The following UGT1A10 variants were observed in gnomAD, a reference collection of about 807,000 sequenced individuals.
UGT1A10 encodes UDP glucuronosyltransferase family 1 member A10.
In UGT1A10, 49 loss-of-function variants were observed where a neutral mutation model predicts 45.8. That is an observed-to-expected ratio of 1.07 (90% CI 0.85 to 1.36). The LOEUF (loss-of-function observed/expected upper bound fraction) is 1.36, where lower values mean the gene tolerates loss of function less well. UGT1A10 is among the 40% of genes most tolerant of loss of function. The pLI is 0.00. For missense variants in UGT1A10, 745 were observed against 668.6 expected (o/e 1.11, Z -1.26); for synonymous variants, 284 against 249.7 (o/e 1.14, Z -1.29).
chr2:233,712,925 A>G (rs1228772732), intron 1 of UGT1A10: 1 of 1,611,920 alleles, frequency 6.2e-7, no homozygotes, highest in African/African-American at 1.3e-5. Flanking sequence ...GGTAATTAAG[A>G]CGAAGGAAAC....
At chr2:233,638,653 T>C (rs950510218) in intron 1 of UGT1A10, among the ~76,000 whole-genome samples, 1 of 152,142 alleles carries the variant, frequency 6.6e-6, no homozygotes, top group African/African-American at 2.4e-5. Context: ...TGGTGTCTCA[T>C]CTCATTATAT....
intron 1 of UGT1A10, among the ~76,000 whole-genome samples, chr2:233,751,670 A>G (rs181652696): frequency 2.6e-4 from 40 of 152,190 alleles, no homozygotes; most frequent in Admixed American, 1.9e-3. Flanking sequence ...AGTGAGTTCT[A>G]ATGAGAGCTG....
intron 1 of UGT1A10, among the ~76,000 whole-genome samples, chr2:233,728,327 C>T (rs1274244958): frequency 6.6e-6 from 1 of 152,196 alleles, no homozygotes; most frequent in Admixed American, 6.5e-5. Flanking sequence ...CAGGCTCCAG[C>T]TCCCCCAGTC....
intron 1 of UGT1A10, chr2:233,648,322 C>T (rs1234126031): frequency 2.7e-5 from 14 of 522,226 alleles, no homozygotes; most frequent in Non-Finnish European, 4.3e-5. Context: ...TTTCTCCCTC[C>T]TCTCGGTGGT....
chr2:233,659,796 C>T (rs1157165747), intron 1 of UGT1A10, among the ~76,000 whole-genome samples: 1 of 152,188 alleles, frequency 6.6e-6, no homozygotes, highest in African/African-American at 2.4e-5. Context: ...TAGAAGGGTA[C>T]AATTTGCAAA....
chr2:233,679,274 A>G (rs886248951), intron 1 of UGT1A10, among the ~76,000 whole-genome samples: 1 of 152,208 alleles, frequency 6.6e-6, no homozygotes, highest in Non-Finnish European at 1.5e-5. Context: ...CTGGCAATGC[A>G]TTTTCTGCCT....
At chr2:233,742,236 G>A (rs571045989) in intron 1 of UGT1A10, among the ~76,000 whole-genome samples, 1 of 151,990 alleles carries the variant, frequency 6.6e-6, no homozygotes, top group African/African-American at 2.4e-5. Context: ...CCCAAACAGA[G>A]ATTTACCCAC....
At chr2:233,713,578 G>A (rs573730250) in intron 1 of UGT1A10, 12 of 1,613,932 alleles carry the variant, frequency 7.4e-6, no homozygotes, top group African/African-American at 5.3e-5. Flanking sequence ...TATATTCCTA[G>A]ATTACTAACG....
intron 1 of UGT1A10, among the ~76,000 whole-genome samples, chr2:233,728,930 G>T (rs144892248): frequency 2.1e-5 from 3 of 145,550 alleles, no homozygotes; most frequent in Non-Finnish European, 4.4e-5. Flanking sequence ...GTCATGATCG[G>T]TCTTTTCCAG....
At chr2:233,718,604 T>G (rs1205248797) in intron 1 of UGT1A10, among the ~76,000 whole-genome samples, 1 of 152,226 alleles carries the variant, frequency 6.6e-6, no homozygotes, top group East Asian at 1.9e-4. Flanking sequence ...CAGATGAGCT[T>G]TTCAAGATAG....
intron 1 of UGT1A10, among the ~76,000 whole-genome samples, chr2:233,656,376 C>T (rs990916252): frequency 7.2e-5 from 11 of 152,216 alleles, no homozygotes; most frequent in Admixed American, 3.3e-4. Context: ...AAATCAGCCT[C>T]TTGTCCAATG....
chr2:233,654,660 A>G (rs2073815641), intron 1 of UGT1A10, among the ~76,000 whole-genome samples: 1 of 152,248 alleles, frequency 6.6e-6, no homozygotes, highest in South Asian at 2.1e-4. Flanking sequence ...AGCAACACCA[A>G]TTGCTACAGG....
At chr2:233,661,623 TTTTCTTTCTTTCTTTCTTTC>T (rs55749169) in intron 1 of UGT1A10, among the ~76,000 whole-genome samples, 200 of 124,044 alleles carry the variant, frequency 1.6e-3, no homozygotes, top group Middle Eastern at 3.8e-3. Flanking sequence ...ACTTACTGAA[TTTTCTTTCTTTCTTTCTTTC>T]TTTCTTTCTT....
intron 1 of UGT1A10, among the ~76,000 whole-genome samples, chr2:233,642,922 T>C (rs2073492286): frequency 6.6e-6 from 1 of 152,186 alleles, no homozygotes; most frequent in Admixed American, 6.5e-5. Flanking sequence ...CTCTCTGTTC[T>C]GAGCCACCTC....
At chr2:233,665,461 T>A (rs1441319185) in intron 1 of UGT1A10, among the ~76,000 whole-genome samples, 2 of 152,240 alleles carry the variant, frequency 1.3e-5, no homozygotes, top group African/African-American at 4.8e-5. Context: ...AAGTAGTGGC[T>A]GTGGCAAAGT....
intron 1 of UGT1A10, among the ~76,000 whole-genome samples, chr2:233,732,114 C>A (rs1362758962): frequency 6.7e-6 from 1 of 148,542 alleles, no homozygotes; most frequent in Non-Finnish European, 1.5e-5. Flanking sequence ...TATCCTTTGC[C>A]CACTTTTTGA....
At chr2:233,757,125 G>A (rs1455211055) in intron 1 of UGT1A10, among the ~76,000 whole-genome samples, 1 of 151,320 alleles carries the variant, frequency 6.6e-6, no homozygotes, top group Non-Finnish European at 1.5e-5. Context: ...CTAGAGAGGA[G>A]GAATGAGCTT....
intron 1 of UGT1A10, among the ~76,000 whole-genome samples, chr2:233,686,542 T>C (rs563884685): frequency 2.6e-5 from 4 of 152,240 alleles, no homozygotes; most frequent in African/African-American, 9.6e-5. Context: ...AACCTTTCCG[T>C]GGCTTTCTGA....
chr2:233,736,902 T>G lies in UGT1A10; in HGVS notation c.856-30132T>G, dbSNP rs143081248. ...GCAAATATTGCTGCCTGATCCTTCC[T>G]CTGGAAGCTTCATACCAGAGGCGCA... is the stretch of plus-strand genomic sequence containing the variant. On this transcript the variant is annotated intron_variant, in intron 1 of 4. Coordinates refer to ENST00000344644, the MANE Select transcript of UGT1A10 (RefSeq NM_019075.4). 5.7e-3 allele frequency among the ~76,000 whole-genome samples: 868 copies of G among 152,312 alleles called. 7 individuals are homozygous for G. Among genetic ancestry groups the G allele is most frequent in the African/African-American group, 0.02 (824 of 41,572 alleles).
Sources: allele counts gnomAD v4.1 joint callset (sites outside exome capture counted in the v4.1 genomes callset), GRCh38; gene constraint gnomAD v4.1.1; transcripts MANE v1.5; gene names NCBI Gene and HGNC (gene_info 2026-07-23, HGNC 2026-07-21).